FARP1: variants seen among roughly 807,000 people sequenced by gnomAD.
FARP1 encodes FERM, ARH/RhoGEF and pleckstrin domain protein 1.
FARP1 carries 52 observed loss-of-function variants against 128.8 expected under a neutral mutation model. That is an observed-to-expected ratio of 0.40 (90% CI 0.32 to 0.51). The LOEUF (loss-of-function observed/expected upper bound fraction) is 0.51, where lower values mean the gene tolerates loss of function less well. FARP1 is among the 20% of genes least tolerant of loss of function. FARP1 has a pLI of 0.45. For synonymous variants in FARP1, 580 were observed against 551.8 expected (o/e 1.05, Z -0.72); for missense variants, 1,333 against 1,367.9 (o/e 0.97, Z 0.40).
At chr13:98,278,190 T>TTA (rs1884756483) in intron 2 of FARP1, among the ~76,000 whole-genome samples, 2 of 151,138 alleles carry the variant, frequency 1.3e-5, no homozygotes, top group Non-Finnish European at 2.9e-5. Context: ...TGTGTGTGTG[T>TTA]ATGTTCTGTG....
chr13:98,145,809 T>C (rs1391315489), intron 1 of FARP1, among the ~76,000 whole-genome samples: 3 of 149,352 alleles, frequency 2.0e-5, no homozygotes, highest in African/African-American at 7.4e-5. Flanking sequence ...TTGTAGTGAG[T>C]TGAGATTGGG....
chr13:98,279,176 A>AAATAGTACATTAGAAATTTAC (rs1386467456), intron 2 of FARP1, among the ~76,000 whole-genome samples: 1 of 152,178 alleles, frequency 6.6e-6, no homozygotes, highest in African/African-American at 2.4e-5. Context: ...CATGCTAAAT[A>AAATAGTACATTAGAAATTTAC]AATAGTAAAT....
At chr13:98,313,317 C>CACAT (rs1886573345) in intron 2 of FARP1, among the ~76,000 whole-genome samples, 3 of 150,744 alleles carry the variant, frequency 2.0e-5, no homozygotes, top group African/African-American at 7.3e-5. Flanking sequence ...CCCCCAAACA[C>CACAT]ACACACACAC....
At chr13:98,376,968 T>A (rs1174779670) in intron 5 of FARP1, among the ~76,000 whole-genome samples, 1 of 152,102 alleles carries the variant, frequency 6.6e-6, no homozygotes, top group African/African-American at 2.4e-5. Context: ...GTATTTTTTA[T>A]CTTACACCAA....
chr13:98,328,653 G>A (rs1054884593), intron 2 of FARP1: 10 of 152,152 alleles, frequency 6.6e-5, no homozygotes, highest in African/African-American at 2.4e-4. Flanking sequence ...AGCACTCTAA[G>A]GCTTCGCTTT....
chr13:98,282,334 A>G (rs1884974916), intron 2 of FARP1, among the ~76,000 whole-genome samples: 2 of 152,066 alleles, frequency 1.3e-5, no homozygotes, highest in African/African-American at 4.8e-5. Context: ...TAACAAACTC[A>G]ATTAACCTAC....
intron 3 of FARP1, among the ~76,000 whole-genome samples, chr13:98,363,765 A>G (rs631211): frequency 0.72 from 109,437 of 152,052 alleles, 39,702 homozygotes; most frequent in Non-Finnish European, 0.77. Context: ...TTTTCAAGAC[A>G]GAGTCTCGCT....
chr13:98,185,928 C>T (rs763024516), intron 1 of FARP1, among the ~76,000 whole-genome samples: 5 of 152,048 alleles, frequency 3.3e-5, no homozygotes, highest in Non-Finnish European at 5.9e-5. Context: ...GAACTCCTGA[C>T]CTCAGGTGAT....
chr13:98,389,811 G>C (rs1409883826), intron 9 of FARP1, 146 bp from the exon 10 acceptor site: 3 of 689,226 alleles, frequency 4.4e-6, no homozygotes, highest in Non-Finnish European at 7.2e-6. Context: ...CTAGAGTTTA[G>C]TAAGTCTTTG....
In FARP1 at chr13:98,232,144, G is replaced by GTTTTTTTTTTTTTTTTTTTTTTTT. The variant is rs1555329634; in HGVS notation, c.171+18731_171+18732insTTTTTTTTTTTTTTTTTTTTTTTT. Among the ~76,000 whole-genome samples, 65 of 111,660 alleles carry GTTTTTTTTTTTTTTTTTTTTTTTT rather than the reference G, an allele frequency of 5.8e-4. 4 individuals carry two copies. The highest frequency in any genetic ancestry group is 0.011 in the Middle Eastern group (2 of 190). The allele number at this position is 111,660 out of a possible 152,430, so 73.3% of individuals were successfully genotyped here. A position where few individuals can be genotyped will look rare whatever the true frequency, so the allele number is the denominator to read the frequency against. On this transcript the variant is annotated intron_variant, in intron 2 of 26. Transcript: ENST00000319562. Reference sequence around the variant, plus strand: ...CGTGCCCGGCTTTTTTTGTTTGGTTGGTTTTTTTTTTTTTTTTTTTTTGCT... The same window carrying GTTTTTTTTTTTTTTTTTTTTTTTT: ...CGTGCCCGGCTTTTTTTGTTTGGTTGTTTTTTTTTTTTTTTTTTTTTTTTGTTTTTTTTTTTTTTTTTTTTTGCT...
intron 3 of FARP1, among the ~76,000 whole-genome samples, chr13:98,359,394 C>G (rs1000812190): frequency 6.6e-6 from 1 of 152,182 alleles, no homozygotes; most frequent in East Asian, 1.9e-4. Context: ...CAAAACACCT[C>G]AAACATTCCA....
chr13:98,244,647 A>G lies in FARP1; in HGVS notation c.171+31234A>G, dbSNP rs1882962897. 4 of 1,614,118 alleles carry G rather than the reference A, an allele frequency of 2.5e-6. No homozygotes were observed. The African/African-American group carries it at 4.0e-5, about 16-fold the overall frequency. On this transcript the variant is annotated intron_variant, in intron 2 of 26. Transcript: ENST00000319562. ...TCTTACAGGCTCTATTTCTTACACAAACTGGGCTGGAAGTAGAAGCTTAGC... is the reference window on the plus strand; with the variant it reads ...TCTTACAGGCTCTATTTCTTACACAGACTGGGCTGGAAGTAGAAGCTTAGC...
At chr13:98,354,549 C>A (rs1888565394) in intron 3 of FARP1, among the ~76,000 whole-genome samples, 1 of 152,098 alleles carries the variant, frequency 6.6e-6, no homozygotes, top group African/African-American at 2.4e-5. Context: ...AGGTACAAAT[C>A]TTTGAAAAAA....
intron 2 of FARP1, among the ~76,000 whole-genome samples, chr13:98,312,225 C>T (rs1256412533): frequency 6.9e-6 from 1 of 145,316 alleles, no homozygotes; most frequent in Non-Finnish European, 1.5e-5. Flanking sequence ...ACTGCAAGCT[C>T]CACCTCCCGG....
intron 3 of FARP1, among the ~76,000 whole-genome samples, chr13:98,354,002 G>A (rs1888545104): frequency 6.6e-6 from 1 of 152,234 alleles, no homozygotes; most frequent in Non-Finnish European, 1.5e-5. Context: ...CAAGGACCAT[G>A]CCTGAGGTCT....
chr13:98,384,450 C>G, intron 6 of FARP1: 1 of 423,496 alleles, frequency 2.4e-6, no homozygotes, highest in South Asian at 3.8e-5. Flanking sequence ...GTCCTGGACT[C>G]CCAAAGTGCT....
intron 2 of FARP1, among the ~76,000 whole-genome samples, chr13:98,232,278 G>A (rs1269624162): frequency 1.4e-5 from 2 of 145,800 alleles, no homozygotes; most frequent in African/African-American, 2.5e-5. Context: ...ATTTACTTTT[G>A]TTTTGAAGGA....
intron 2 of FARP1, among the ~76,000 whole-genome samples, chr13:98,289,628 A>G (rs1157054130): frequency 1.3e-5 from 2 of 152,120 alleles, no homozygotes; most frequent in African/African-American, 4.8e-5. Flanking sequence ...TCTCAAGGAG[A>G]TCACTGTCTC....
chr13:98,422,374 G>A (rs752303459), intron 16 of FARP1, among the ~76,000 whole-genome samples: 15 of 152,094 alleles, frequency 9.9e-5, no homozygotes, highest in South Asian at 4.1e-4. Flanking sequence ...GCAGAGGAGC[G>A]GTGCCAATTA....
Sources: gnomAD v4.1 joint callset for allele counts (sites outside exome capture counted in the v4.1 genomes callset) on GRCh38, gnomAD v4.1.1 for gene constraint, MANE v1.5 for transcripts, NCBI Gene and HGNC (gene_info 2026-07-23, HGNC 2026-07-21) for gene names.